Variants in LY75 observed in about 807,000 individuals in gnomAD.
LY75 encodes the protein lymphocyte antigen 75, also known as C-type lectin domain family 13 member B.
Under a neutral mutation model 231.7 loss-of-function variants are expected in LY75, and 185 were observed. The ratio of observed to expected loss-of-function variants is 0.80; its 90% CI spans 0.71 to 0.90. The LOEUF (loss-of-function observed/expected upper bound fraction) is 0.90. Among genes scored for constraint, LY75 ranks in the 40% least tolerant of loss-of-function variants. The pLI, the probability that LY75 is intolerant of heterozygous loss-of-function variation, is 0.00. For synonymous variants in LY75, 668 were observed against 689.0 expected (o/e 0.97, Z 0.48); for missense variants, 1,947 against 2,050.2 (o/e 0.95, Z 0.97).
Position 159,840,962 on chromosome 2 carries a change from G to A in LY75, c.3281-7C>T. 6.2e-7 allele frequency: 1 copy of A among 1,611,898 alleles called. No individual in the cohort carries two copies. The highest frequency in any genetic ancestry group is 8.5e-7 in the Non-Finnish European group (1 of 1,179,350). ...GTCTGTCTGCTTTTAACTTCTGCAT[G>A]TAAAAGAAAACAACAACAACAACAA... On this transcript the variant is annotated splice_polypyrimidine_tract_variant and splice_region_variant and intron_variant, in intron 24 of 34. Coordinates refer to ENST00000263636, the MANE Select transcript of LY75 (RefSeq NM_002349.4).
chr2:159,804,118 T>G lies in LY75; in HGVS notation c.*926A>C, dbSNP rs781101747. ...TAAAAGTCATTGTTTTATAAACAAT[T>G]ATAAACAGAAAAAAACTCTTCATAT... is the stretch of plus-strand genomic sequence containing the variant. On this transcript the variant is annotated 3_prime_UTR_variant, in exon 35 of 35. Coordinates refer to ENST00000263636, the MANE Select transcript of LY75 (RefSeq NM_002349.4). 6 of 152,208 alleles carry G rather than the reference T, an allele frequency of 3.9e-5. No individual in the cohort carries two copies. Among genetic ancestry groups the G allele is most frequent in the African/African-American group, 9.6e-5 (4 of 41,452 alleles). The allele number at this position is 152,208 out of a possible 1,614,324, so 9.4% of individuals were successfully genotyped here.
At chr2:159,832,497 T>TA (rs1220344572) in intron 27 of LY75, among the ~76,000 whole-genome samples, 1 of 152,196 alleles carries the variant, frequency 6.6e-6, no homozygotes, top group Non-Finnish European at 1.5e-5. Flanking sequence ...TGCTGGGCTA[T>TA]ACGACAGATC....
At chr2:159,874,740 AATATATATATTTTGTAAATATATGTAAAT>A (rs1685190385) in intron 12 of LY75, among the ~76,000 whole-genome samples, 1 of 10,096 alleles carries the variant, frequency 9.9e-5, no homozygotes, top group South Asian at 2.8e-3. Flanking sequence ...AATATATGTA[AATATATATATTTTGTAAATATATGTAAAT>A]ATATATATTT....
At chr2:159,821,881 C>T (rs1683303394) in intron 28 of LY75, among the ~76,000 whole-genome samples, 1 of 152,150 alleles carries the variant, frequency 6.6e-6, no homozygotes, top group Non-Finnish European at 1.5e-5. Flanking sequence ...GTGCAGCCCA[C>T]AGAGGGCGAG....
chr2:159,870,203 G>A (rs1684969176), intron 13 of LY75, among the ~76,000 whole-genome samples: 1 of 152,176 alleles, frequency 6.6e-6, no homozygotes, highest in African/African-American at 2.4e-5. Flanking sequence ...TGTGATCCCA[G>A]CACCTTGGGA....
At position 159,886,458 on chromosome 2, in the gene LY75, G is replaced by A; in HGVS notation, c.875C>T (p.Ser292Leu). 1 of 1,611,512 alleles carries A rather than the reference G, an allele frequency of 6.2e-7. No individual in the cohort carries two copies. Among genetic ancestry groups the A allele is most frequent in the Admixed American group, 1.7e-5 (1 of 59,872 alleles). Residue 292 changes from serine to leucine, a missense_variant, in exon 5 of 35, where the codon TCA becomes TTA. Ser to Leu is a moderately radical substitution (Grantham distance 145). Transcript: ENST00000263636. Reference sequence around the variant, plus strand: ...GAGAAAGTTTAATGGTTTGTGGTCTGACCATTCCCAGCCTCTAGCAGAGTA... The same window carrying A: ...GAGAAAGTTTAATGGTTTGTGGTCTAACCATTCCCAGCCTCTAGCAGAGTA... ...QLYSARGWEW[S>L]DHKPLNFLNW...
intron 28 of LY75, among the ~76,000 whole-genome samples, chr2:159,822,130 CAGG>C (rs1683313854): frequency 6.6e-6 from 1 of 152,220 alleles, no homozygotes; most frequent in Admixed American, 6.5e-5. Flanking sequence ...AAACTAGCTG[CAGG>C]AGTTCTTTTT....
At chr2:159,848,093 T>TATACACACAC in intron 23 of LY75, among the ~76,000 whole-genome samples, 4 of 28,558 alleles carry the variant, frequency 1.4e-4, no homozygotes, top group South Asian at 8.7e-4. Flanking sequence ...TATATATATA[T>TATACACACAC]ACACACACAC....
At chr2:159,852,493 A>C (rs1416458316) in intron 20 of LY75, 153 bp from the exon 21 acceptor site, 1 of 639,420 alleles carries the variant, frequency 1.6e-6, no homozygotes, top group Non-Finnish European at 1.9e-6. Flanking sequence ...ATGTTGGCTT[A>C]CTGCATCCTC....
At chr2:159,834,291 G>T in intron 26 of LY75, 80 bp from the exon 27 acceptor site, 1 of 1,558,828 alleles carries the variant, frequency 6.4e-7, no homozygotes, top group Non-Finnish European at 8.7e-7. Context: ...GGCTTGATTT[G>T]TAGGAAATAT....
rs765557616 is a variant in LY75 at position 159,808,549 on chromosome 2, G to A, written c.4722C>T (p.Ser1574=). The A allele has an allele frequency of 6.2e-7, 1 of 1,613,474 alleles. No homozygotes were observed. Among genetic ancestry groups the A allele is most frequent in the South Asian group, 1.1e-5 (1 of 91,068 alleles). ...ATTTATTCTCATCTTCATCTTTTAT[G>A]GAAACGATAGTTGCAGAGTGATCTG... ...SKHDHSATIV[S]IKDEDENKFV... The change falls in exon 33 of 35, where the codon TCC becomes TCT. Residue 1574 remains serine (S), a synonymous_variant. Coordinates refer to ENST00000263636, the MANE Select transcript of LY75 (RefSeq NM_002349.4).
In LY75 at chr2:159,812,865, T is replaced by A. The variant is rs565452672; in HGVS notation, c.4550-2190A>T. On this transcript the variant is annotated intron_variant, in intron 31 of 34. Transcript: ENST00000263636. Reference sequence around the variant, plus strand: ...ACTCCCCATATTCCCCTCCATCTAGTCCCTGGTAACTGCCATTCCACTTCC... The same window carrying A: ...ACTCCCCATATTCCCCTCCATCTAGACCCTGGTAACTGCCATTCCACTTCC... 5.3e-5 allele frequency among the ~76,000 whole-genome samples: 8 copies of A among 152,312 alleles called. No individual in the cohort carries two copies. The South Asian group carries it at 1.7e-3, about 32-fold the overall frequency.
At position 159,879,361 on chromosome 2, in the gene LY75, C is replaced by G. The variant is rs1288482981; in HGVS notation, c.1413G>C (p.Gln471His). Residue 471 changes from glutamine (Q) to histidine (H), a missense_variant, in exon 9 of 35, where the codon CAG (glutamine) becomes CAC (histidine). Physicochemically the swap from Gln to His is conservative, Grantham distance 24 (BLOSUM62 0). Transcript: ENST00000263636. Reference sequence around the variant, plus strand: ...TCTCCTCACATGATTGGACTTTCCACTGACCTAGCTTTGAAAGGAGACAAA... The same window carrying G: ...TCTCCTCACATGATTGGACTTTCCAGTGACCTAGCTTTGAAAGGAGACAAA... The part of the protein sequence containing the change: ...NCVSYLGELG[Q>H]WKVQSCEEKL... 3 of 1,613,030 alleles carry G rather than the reference C, an allele frequency of 1.9e-6. No individual in the cohort carries two copies. In the Admixed American group the frequency reaches 5.0e-5, roughly 27 times the overall value.
chr2:159,809,111 A>T (rs1256104548), intron 32 of LY75, among the ~76,000 whole-genome samples: 1 of 152,250 alleles, frequency 6.6e-6, no homozygotes, highest in Non-Finnish European at 1.5e-5. Context: ...CCCACACAAA[A>T]GTTCCCGGTA....
intron 5 of LY75, 26 bp downstream of exon 5, chr2:159,886,394 A>C: frequency 6.3e-7 from 1 of 1,596,290 alleles, no homozygotes. Flanking sequence ...TGTTCTGTGC[A>C]GAGGGGGTAG....
rs1560102055 is a variant in LY75, at chr2:159,887,210, G to GCCACACACAC, written c.803-681_803-680insGTGTGTGTGG. 7.7e-5 allele frequency among the ~76,000 whole-genome samples: 3 copies of GCCACACACAC among 38,830 alleles called. No individual in the cohort carries two copies. The East Asian group carries it at 4.2e-3, about 55-fold the overall frequency. The allele number at this position is 38,830 out of a possible 152,430, so 25.5% of individuals were successfully genotyped here. On this transcript the variant is annotated intron_variant, in intron 4 of 34. Transcript: ENST00000263636. Reference sequence around the variant, plus strand: ...CTAGAGATACAGAATGAGAGTGAGAGTCACACACACACACACACACACACA... The same window carrying GCCACACACAC: ...CTAGAGATACAGAATGAGAGTGAGAGCCACACACACTCACACACACACACACACACACACA...
At chr2:159,818,073 A>T (rs888845100) in intron 29 of LY75, among the ~76,000 whole-genome samples, 1 of 152,010 alleles carries the variant, frequency 6.6e-6, no homozygotes, top group African/African-American at 2.4e-5. Context: ...AATAAATAAA[A>T]TAATAAAATA....
chr2:159,849,583 A>G (rs989966271), intron 23 of LY75, among the ~76,000 whole-genome samples: 4 of 152,186 alleles, frequency 2.6e-5, no homozygotes, highest in African/African-American at 9.7e-5. Flanking sequence ...GCTACTGTGA[A>G]AAACCAGTAC....
chr2:159,887,114 T>C (rs539189322), intron 4 of LY75, among the ~76,000 whole-genome samples: 1 of 147,508 alleles, frequency 6.8e-6, no homozygotes, highest in South Asian at 2.1e-4. Context: ...GGAATATATA[T>C]ATATATTATA....
Sources: allele counts gnomAD v4.1 joint callset (sites outside exome capture counted in the v4.1 genomes callset), GRCh38; gene constraint gnomAD v4.1.1; transcripts MANE v1.5; gene names NCBI Gene and HGNC (gene_info 2026-07-23, HGNC 2026-07-21).